The following SLC11A2 variants were observed in gnomAD, a reference collection of about 807,000 sequenced individuals.
The protein encoded by SLC11A2 is solute carrier family 11 member 2, also known as natural resistance-associated macrophage protein 2.
Under a neutral mutation model 68.0 loss-of-function variants are expected in SLC11A2, and 38 were observed. That is an observed-to-expected ratio of 0.56 (90% CI 0.43 to 0.73). The LOEUF is 0.73. SLC11A2 is among the 30% of genes least tolerant of loss of function. SLC11A2 has a pLI of 0.00. For synonymous variants in SLC11A2, 242 were observed against 250.6 expected, an observed-to-expected ratio of 0.97 and a Z score of 0.32; for missense variants, 517 against 690.5, an observed-to-expected ratio of 0.75 and a Z score of 2.82.
chr12:51,016,828 C>T (rs1026549585), intron 1 of SLC11A2, among the ~76,000 whole-genome samples: 3 of 103,852 alleles, frequency 2.9e-5, no homozygotes, highest in Non-Finnish European at 5.6e-5. Flanking sequence ...GCCTGGGTGA[C>T]AAGAGCAAAA....
At chr12:51,002,289 AGTGAGCCATGATT>A (rs1203064283) in intron 5 of SLC11A2, among the ~76,000 whole-genome samples, 2 of 152,280 alleles carry the variant, frequency 1.3e-5, no homozygotes, top group Middle Eastern at 3.4e-3. Flanking sequence ...TCAAGGGTAT[AGTGAGCCATGATT>A]GTGCCACTGA....
At chr12:50,966,621 G>A in the SLC11A2 span, among the ~76,000 whole-genome samples, 22 of 152,128 alleles carry the variant, frequency 1.4e-4, no homozygotes, top group African/African-American at 4.6e-4. Context: ...AGGAAGTTCT[G>A]GCATTTCAAT....
chr12:50,960,180 T>G, the SLC11A2 span, among the ~76,000 whole-genome samples: 1 of 152,234 alleles, frequency 6.6e-6, no homozygotes, highest in Non-Finnish European at 1.5e-5. Flanking sequence ...GCCAGAGTTA[T>G]GCTTCTTGTG....
the SLC11A2 span, among the ~76,000 whole-genome samples, chr12:50,952,768 C>T: frequency 1.3e-5 from 2 of 152,206 alleles, no homozygotes; most frequent in Admixed American, 1.3e-4. Context: ...CTGCAGGGAG[C>T]GCACCTCCTC....
At chr12:50,973,229 G>A in the SLC11A2 span, among the ~76,000 whole-genome samples, 1 of 152,158 alleles carries the variant, frequency 6.6e-6, no homozygotes, top group Non-Finnish European at 1.5e-5. Flanking sequence ...AGCCTAACTG[G>A]GAGGCACCCC....
At chr12:51,001,662 T>C (rs551922162) in intron 5 of SLC11A2, among the ~76,000 whole-genome samples, 148 of 141,144 alleles carry the variant, frequency 1.0e-3, no homozygotes, top group African/African-American at 3.6e-3. Flanking sequence ...ATAAAAATTA[T>C]AGGAAAAAAA....
downstream of SLC11A2, among the ~76,000 whole-genome samples, chr12:50,978,411 A>G (rs964830709): frequency 6.1e-5 from 9 of 146,602 alleles, no homozygotes; most frequent in Admixed American, 6.4e-4. Context: ...CAAACGTCGC[A>G]TGTTCTCACT....
the SLC11A2 span, among the ~76,000 whole-genome samples, chr12:50,956,541 C>T: frequency 1.3e-5 from 2 of 152,166 alleles, no homozygotes; most frequent in Non-Finnish European, 2.9e-5. Context: ...AAGCAACTTC[C>T]ATCATTATAA....
chr12:51,004,999 T>TA (rs1942598721), intron 4 of SLC11A2, 92 bp from the exon 5 acceptor site: 1 of 1,448,530 alleles, frequency 6.9e-7, no homozygotes, highest in African/African-American at 1.4e-5. Flanking sequence ...GAGTGGTAAA[T>TA]ACTGCATTCA....
chr12:50,969,625 G>C, the SLC11A2 span, among the ~76,000 whole-genome samples: 1 of 151,748 alleles, frequency 6.6e-6, no homozygotes, highest in Non-Finnish European at 1.5e-5. Context: ...CTTGAACCTG[G>C]GAAGCGGAGG....
At chr12:50,981,570 G>T, downstream of SLC11A2, 1 of 623,980 alleles carries the variant, frequency 1.6e-6, no homozygotes, top group Non-Finnish European at 2.9e-6. Context: ...ATTTATAGCT[G>T]TCAGTTTTGA....
At chr12:50,981,605 T>TGC (rs1160816839), downstream of SLC11A2, 1 of 703,688 alleles carries the variant, frequency 1.4e-6, no homozygotes, top group Non-Finnish European at 2.5e-6. Context: ...AGGAAATCTT[T>TGC]GCCTTTTGTT....
chr12:51,021,457 C>G (rs1035531231), intron 1 of SLC11A2, among the ~76,000 whole-genome samples: 1 of 152,180 alleles, frequency 6.6e-6, no homozygotes, highest in Non-Finnish European at 1.5e-5. Flanking sequence ...AAAACCCCAT[C>G]TCTACTAAAA....
intron 2 of SLC11A2, chr12:51,009,282 C>T (rs1384641790): frequency 4.6e-6 from 6 of 1,295,754 alleles, no homozygotes; most frequent in Middle Eastern, 3.9e-4. Context: ...CCGCCGGTCA[C>T]GGGGTACTGG....
upstream of SLC11A2, chr12:51,028,426 G>A (rs1944469844): frequency 4.1e-6 from 2 of 492,434 alleles, no homozygotes; most frequent in Non-Finnish European, 7.2e-6. Flanking sequence ...CGTGAAAAGA[G>A]AAGCATTATA....
At chr12:50,971,907 A>C in the SLC11A2 span, among the ~76,000 whole-genome samples, 4 of 152,210 alleles carry the variant, frequency 2.6e-5, no homozygotes, top group Non-Finnish European at 4.4e-5. Context: ...TATTATATAC[A>C]TTTTTCCCCA....
the SLC11A2 span, among the ~76,000 whole-genome samples, chr12:50,963,369 CAAAAAAAAAAAAAAA>C: frequency 1.4e-5 from 1 of 72,400 alleles, no homozygotes; most frequent in Non-Finnish European, 2.7e-5. Context: ...GACTCCATCT[CAAAAAAAAAAAAAAA>C]AAAAAAAAAG....
the SLC11A2 span, chr12:50,970,540 C>T: frequency 7.9e-7 from 1 of 1,262,356 alleles, no homozygotes; most frequent in Non-Finnish European, 1.1e-6. Context: ...AGACAAGAAG[C>T]TTCTGAAAAC....
the SLC11A2 span, among the ~76,000 whole-genome samples, chr12:50,956,907 T>C: frequency 1.3e-5 from 2 of 152,192 alleles, no homozygotes; most frequent in Non-Finnish European, 2.9e-5. Context: ...TTTCCAGAGT[T>C]CTTTCTAGAA....
Sources: gnomAD v4.1 joint callset for allele counts (sites outside exome capture counted in the v4.1 genomes callset) on GRCh38, gnomAD v4.1.1 for gene constraint, MANE v1.5 for transcripts, NCBI Gene and HGNC (gene_info 2026-07-23, HGNC 2026-07-21) for gene names.